The following ST18 variants were observed in gnomAD, a reference collection of about 807,000 sequenced individuals.
ST18 encodes ST18 C2H2C-type zinc finger transcription factor.
ST18 carries 50 observed loss-of-function variants against 110.0 expected under a neutral mutation model. The observed-to-expected ratio is 0.45, with a 90% CI of 0.36 to 0.58. ST18 has a LOEUF of 0.58. ST18 is among the 20% of genes least tolerant of loss of function. The pLI is 0.00. For missense variants in ST18, 1,306 were observed against 1,280.1 expected, an observed-to-expected ratio of 1.02 and a Z score of -0.31; for synonymous variants, 461 against 452.4, an observed-to-expected ratio of 1.02 and a Z score of -0.24.
intron 2 of ST18, among the ~76,000 whole-genome samples, chr8:52,371,852 G>T (rs1264907394): frequency 6.6e-6 from 1 of 152,222 alleles, no homozygotes; most frequent in South Asian, 2.1e-4. Flanking sequence ...CTACTGCACT[G>T]CCAGTCTATA....
chr8:52,186,535 C>T (rs1221745550), intron 8 of ST18, among the ~76,000 whole-genome samples: 1 of 152,194 alleles, frequency 6.6e-6, no homozygotes, highest in South Asian at 2.1e-4. Context: ...CAGATGTCTA[C>T]CCATGGCCCA....
intron 2 of ST18, among the ~76,000 whole-genome samples, chr8:52,271,067 T>C (rs2095059791): frequency 6.6e-6 from 1 of 152,040 alleles, no homozygotes; most frequent in African/African-American, 2.4e-5. Context: ...CCCAGCTAAT[T>C]TTTTGTATTT....
chr8:52,220,010 G>C (rs1259905350), intron 5 of ST18, among the ~76,000 whole-genome samples: 2 of 152,160 alleles, frequency 1.3e-5, no homozygotes, highest in Non-Finnish European at 2.9e-5. Context: ...ATTTGTGCCA[G>C]GGATTTCTAT....
intron 5 of ST18, chr8:52,220,453 ACAAT>A (rs1199650304): frequency 1.3e-5 from 2 of 152,218 alleles, no homozygotes; most frequent in African/African-American, 4.8e-5. Context: ...AACCATTTTA[ACAAT>A]CAAACTTTCC....
intron 2 of ST18, among the ~76,000 whole-genome samples, chr8:52,338,323 A>G (rs1225417681): frequency 6.6e-6 from 1 of 151,188 alleles, no homozygotes; most frequent in African/African-American, 2.4e-5. Context: ...CTCCCAAAGT[A>G]CTGGGATTAC....
At position 52,295,710 on chromosome 8, in the gene ST18, C is replaced by CTTT. The variant is rs371927202; in HGVS notation, c.-464-65636_-464-65634dup. Among the ~76,000 whole-genome samples, 284 of 130,802 alleles carry CTTT rather than the reference C, an allele frequency of 2.2e-3. 1 individual carries two copies. The highest frequency in any genetic ancestry group is 0.012 in the East Asian group (53 of 4,474). 85.8% of individuals were successfully genotyped at this position (130,802 alleles called of 152,430 possible). On this transcript the variant is annotated intron_variant, in intron 2 of 25. Coordinates refer to ENST00000689386, the MANE Select transcript of ST18 (RefSeq NM_001352837.2). The stretch of plus-strand genomic sequence containing the variant: ...AAATGAAAGAGCTTCTCTTTTTTTC[C>CTTT]TTTTTTTTTTTTTTTTTTGAATTAA...
At chr8:52,123,600 G>C (rs565129021) in intron 23 of ST18, among the ~76,000 whole-genome samples, 1 of 152,362 alleles carries the variant, frequency 6.6e-6, no homozygotes, top group South Asian at 2.1e-4. Flanking sequence ...TACTTTTCCA[G>C]TTAGTTACCT....
intron 2 of ST18, among the ~76,000 whole-genome samples, chr8:52,363,830 C>T (rs1270172243): frequency 6.6e-6 from 1 of 151,680 alleles, no homozygotes; most frequent in East Asian, 1.9e-4. Context: ...AACTTCAGAA[C>T]TTTTATAATA....
chr8:52,257,180 T>C (rs2094552116), intron 2 of ST18, among the ~76,000 whole-genome samples: 1 of 152,246 alleles, frequency 6.6e-6, no homozygotes, highest in Admixed American at 6.5e-5. Context: ...TGTTTGGATA[T>C]ACCATATCTT....
At chr8:52,363,069 G>A (rs7461127) in intron 2 of ST18, among the ~76,000 whole-genome samples, 118,947 of 152,148 alleles carry the variant, frequency 0.78, 49,780 homozygotes, top group Non-Finnish European at 0.92. Flanking sequence ...AAAATTAGCC[G>A]GGCATGGTGG....
chr8:52,241,594 G>A (rs528053838), intron 2 of ST18, among the ~76,000 whole-genome samples: 4 of 152,124 alleles, frequency 2.6e-5, no homozygotes, highest in Non-Finnish European at 5.9e-5. Context: ...AAGTTGTTAG[G>A]GGCAGATGGT....
intron 16 of ST18, among the ~76,000 whole-genome samples, chr8:52,144,226 G>T (rs1324740132): frequency 6.6e-6 from 1 of 151,418 alleles, no homozygotes; most frequent in Admixed American, 6.6e-5. Flanking sequence ...AATACTTTCT[G>T]GTTTTAATAT....
chr8:52,112,730 T>C lies in ST18; in HGVS notation c.*468A>G, dbSNP rs2040887509. The C allele has an allele frequency of 6.5e-6, 1 of 153,006 alleles. No individual in the cohort carries two copies. Among genetic ancestry groups the C allele is most frequent in the Admixed American group, 6.5e-5 (1 of 15,306 alleles). 9.5% of individuals were successfully genotyped at this position (153,006 alleles called of 1,614,324 possible). ...CTTAGACAAGGATTTCCTTCACCCT[T>C]TCCTGTTTCCTCATTAAAACCCAGC... On this transcript the variant is annotated 3_prime_UTR_variant, in exon 26 of 26. Transcript: ENST00000689386.
chr8:52,124,748 A>G (rs573219556), intron 23 of ST18, among the ~76,000 whole-genome samples: 13 of 152,084 alleles, frequency 8.5e-5, no homozygotes, highest in Non-Finnish European at 1.5e-4. Context: ...TCTCCTCTGC[A>G]TGTACACTCC....
chr8:52,282,465 G>C (rs930145796), intron 2 of ST18, among the ~76,000 whole-genome samples: 1 of 152,140 alleles, frequency 6.6e-6, no homozygotes, highest in Admixed American at 6.5e-5. Context: ...GGCAACGGGG[G>C]GTTCAAGCCA....
intron 2 of ST18, among the ~76,000 whole-genome samples, chr8:52,385,842 C>T (rs1836497682): frequency 6.6e-6 from 1 of 152,084 alleles, no homozygotes; most frequent in South Asian, 2.1e-4. Flanking sequence ...GCAGTAGAGT[C>T]TGAGGGACCC....
chr8:52,252,983 C>T (rs570515915), intron 2 of ST18, among the ~76,000 whole-genome samples: 2 of 151,080 alleles, frequency 1.3e-5, no homozygotes, highest in East Asian at 1.9e-4. Context: ...TACTATTTCC[C>T]TAACATAACG....
chr8:52,352,711 T>C (rs1820938277), intron 2 of ST18, among the ~76,000 whole-genome samples: 1 of 152,170 alleles, frequency 6.6e-6, no homozygotes, highest in Non-Finnish European at 1.5e-5. Context: ...CCTGCTCCAG[T>C]GGGATGGATA....
At chr8:52,149,666 GA>G in intron 16 of ST18, 65 bp downstream of exon 16, 1 of 1,542,400 alleles carries the variant, frequency 6.5e-7, no homozygotes, top group Non-Finnish European at 8.7e-7. Context: ...ATTTAGGAGG[GA>G]AAAGCTAGTG....
Sources: gnomAD v4.1 joint callset for allele counts (sites outside exome capture counted in the v4.1 genomes callset) on GRCh38, gnomAD v4.1.1 for gene constraint, MANE v1.5 for transcripts, NCBI Gene and HGNC (gene_info 2026-07-23, HGNC 2026-07-21) for gene names.